The following THRAP3 variants were observed in gnomAD, a reference collection of about 807,000 sequenced individuals.
THRAP3 encodes thyroid hormone receptor associated protein 3, also known as thyroid hormone receptor-associated protein 3.
THRAP3 carries 16 observed loss-of-function variants against 101.0 expected under a neutral mutation model. The observed-to-expected ratio is 0.16, with a 90% CI of 0.11 to 0.24. The LOEUF is 0.24. Ranked by LOEUF, THRAP3 falls within the 10% of genes least tolerant of loss-of-function variation. The pLI is 1.00. For missense variants in THRAP3, 989 were observed against 1,202.7 expected (o/e 0.82, Z 2.63); for synonymous variants, 407 against 422.6 (o/e 0.96, Z 0.45).
intron 2 of THRAP3, among the ~76,000 whole-genome samples, chr1:36,271,809 G>A (rs998014293): frequency 6.6e-5 from 10 of 151,594 alleles, no homozygotes; most frequent in African/African-American, 2.4e-4. Context: ...GGTCAGGCTG[G>A]TCTTGAACTC....
intron 1 of THRAP3, among the ~76,000 whole-genome samples, chr1:36,243,878 A>AC (rs1292255141): frequency 7.5e-5 from 9 of 120,694 alleles, no homozygotes; most frequent in African/African-American, 1.9e-4. Context: ...TGGGGGGCTG[A>AC]CCCCCCCACC....
chr1:36,217,530 G>A, the THRAP3 span, among the ~76,000 whole-genome samples: 4 of 151,266 alleles, frequency 2.6e-5, no homozygotes, highest in Non-Finnish European at 5.9e-5. Context: ...TGTAGATATG[G>A]CATTTTTTTT....
chr1:36,249,664 G>A (rs901642759), intron 1 of THRAP3, among the ~76,000 whole-genome samples: 14 of 148,578 alleles, frequency 9.4e-5, no homozygotes, highest in Non-Finnish European at 1.3e-4. Flanking sequence ...GGAAGGTTTC[G>A]AATAAGCGAA....
In THRAP3 at chr1:36,273,653, A is replaced by G. The variant is rs534473610; in HGVS notation, c.-31-8880A>G. Among the ~76,000 whole-genome samples the G allele has an allele frequency of 4.6e-5, 7 of 152,328 alleles. No individual in the cohort carries two copies. In the East Asian group the frequency reaches 1.3e-3, roughly 29 times the overall value. ...GAAGTAAAATCATCTCTTTTTGCAG[A>G]TGGTGTAATCTTAAATAGAAAAACC... On this transcript the variant is annotated intron_variant, in intron 2 of 11. Coordinates refer to ENST00000354618, the MANE Select transcript of THRAP3 (RefSeq NM_005119.4).
At chr1:36,284,555 TTAAC>T (rs1192101275) in intron 3 of THRAP3, among the ~76,000 whole-genome samples, 1 of 152,256 alleles carries the variant, frequency 6.6e-6, no homozygotes, top group Admixed American at 6.5e-5. Context: ...TGCCTTTAAA[TTAAC>T]TAACTGCTGA....
intron 1 of THRAP3, among the ~76,000 whole-genome samples, chr1:36,248,149 G>A (rs1164960789): frequency 6.6e-6 from 1 of 151,906 alleles, no homozygotes. Context: ...CAAAGTGCTG[G>A]GATTACAGGC....
At chr1:36,235,818 C>T (rs1472010261) in intron 1 of THRAP3, among the ~76,000 whole-genome samples, 1 of 152,038 alleles carries the variant, frequency 6.6e-6, no homozygotes, top group Non-Finnish European at 1.5e-5. Context: ...ATATATGCCA[C>T]CATGGGACTG....
chr1:36,293,131 C>T (rs924041415), intron 7 of THRAP3, among the ~76,000 whole-genome samples: 2 of 146,568 alleles, frequency 1.4e-5, no homozygotes, highest in Non-Finnish European at 3.0e-5. Context: ...CAGGTTCAAG[C>T]AATTCTCATG....
At chr1:36,258,953 T>C (rs181340458) in intron 1 of THRAP3, among the ~76,000 whole-genome samples, 5 of 152,344 alleles carry the variant, frequency 3.3e-5, no homozygotes, top group Admixed American at 2.6e-4. Flanking sequence ...GAAGGGAATT[T>C]TTGTGCTTTT....
chr1:36,302,339 G>A (rs1255768669), intron 11 of THRAP3, among the ~76,000 whole-genome samples: 1 of 152,240 alleles, frequency 6.6e-6, no homozygotes, highest in African/African-American at 2.4e-5. Context: ...AAAATGGCTG[G>A]AATGGATCTG....
chr1:36,268,181 CAA>C (rs1219751989), intron 2 of THRAP3, among the ~76,000 whole-genome samples: 2 of 133,484 alleles, frequency 1.5e-5, no homozygotes. Flanking sequence ...GACTCTGTCT[CAA>C]AAAAAAAAAG....
chr1:36,268,673 A>G (rs1036751294), intron 2 of THRAP3, among the ~76,000 whole-genome samples: 16 of 151,892 alleles, frequency 1.1e-4, no homozygotes, highest in Non-Finnish European at 1.8e-4. Context: ...CAGGAGAGAA[A>G]CTTCTTAATG....
At chr1:36,237,929 T>A (rs1200230412) in intron 1 of THRAP3, among the ~76,000 whole-genome samples, 1 of 152,188 alleles carries the variant, frequency 6.6e-6, no homozygotes, top group Non-Finnish European at 1.5e-5. Flanking sequence ...TTAAGTGATC[T>A]TCCTACATCA....
chr1:36,254,268 T>C (rs1032956008), intron 1 of THRAP3, among the ~76,000 whole-genome samples: 1 of 152,218 alleles, frequency 6.6e-6, no homozygotes, highest in Non-Finnish European at 1.5e-5. Context: ...TCCACAGATA[T>C]TTTTTACCGT....
chr1:36,291,553 C>T lies in THRAP3; in HGVS notation c.1918+7C>T. On this transcript the variant is annotated splice_region_variant and intron_variant, in intron 6 of 11. Coordinates refer to ENST00000354618, the MANE Select transcript of THRAP3 (RefSeq NM_005119.4). ...ATTGTTCACCATGTTAAAGGTGAGT[C>T]CAGACCCTGGCCTGCTTCAGGCTCG... The T allele has an allele frequency of 1.2e-6, 2 of 1,613,252 alleles. No homozygotes were observed. The highest frequency in any genetic ancestry group is 1.3e-5 in the African/African-American group (1 of 75,046).
rs1336277799 is a variant in THRAP3 at position 36,292,592 on chromosome 1, C to T, written c.1919-6C>T. The T allele has an allele frequency of 1.2e-6, 2 of 1,610,074 alleles. No homozygotes were observed. Among genetic ancestry groups the T allele is most frequent in the Non-Finnish European group, 1.7e-6 (2 of 1,177,490 alleles). On this transcript the variant is annotated splice_region_variant and splice_polypyrimidine_tract_variant and intron_variant, in intron 6 of 11. Transcript: ENST00000354618. ...GCCCATAATGTGTTTCTTTTAATCC[C>T]AACAGAGCATCACTTTGGGTCCTCA...
At chr1:36,251,299 T>C (rs1417108601) in intron 1 of THRAP3, among the ~76,000 whole-genome samples, 1 of 152,218 alleles carries the variant, frequency 6.6e-6, no homozygotes, top group Admixed American at 6.5e-5. Context: ...TTATGAGTTC[T>C]TGACAGTTCA....
At chr1:36,244,901 T>C (rs1416286273) in intron 1 of THRAP3, among the ~76,000 whole-genome samples, 1 of 151,934 alleles carries the variant, frequency 6.6e-6, no homozygotes, top group Non-Finnish European at 1.5e-5. Flanking sequence ...TTTGTATTTT[T>C]AGTAGAGACG....
intron 1 of THRAP3, among the ~76,000 whole-genome samples, chr1:36,247,279 T>C (rs371219603): frequency 1.3e-5 from 2 of 151,870 alleles, no homozygotes. Flanking sequence ...ATGGAGTCAC[T>C]GCACTCCAGC....
Sources: gnomAD v4.1 joint callset for allele counts (sites outside exome capture counted in the v4.1 genomes callset) on GRCh38, gnomAD v4.1.1 for gene constraint, MANE v1.5 for transcripts, NCBI Gene and HGNC (gene_info 2026-07-23, HGNC 2026-07-21) for gene names.